Variants in NAALAD2 observed in about 807,000 individuals in gnomAD.
The protein encoded by NAALAD2 is N-acetylated alpha-linked acidic dipeptidase 2.
A neutral mutation model predicts 95.6 loss-of-function variants in NAALAD2; 89 were observed. That is an observed-to-expected ratio of 0.93 (90% confidence interval 0.78 to 1.11). The LOEUF is 1.11. NAALAD2 is among the 50% of genes least tolerant of loss of function. NAALAD2 has a pLI of 0.00. For synonymous variants in NAALAD2, 264 were observed against 294.4 expected (o/e 0.90, Z 1.06); for missense variants, 894 against 872.4 (o/e 1.02, Z -0.31).
intron 2 of NAALAD2, among the ~76,000 whole-genome samples, chr11:90,145,604 G>T (rs1951732378): frequency 6.6e-6 from 1 of 152,090 alleles, no homozygotes; most frequent in South Asian, 2.1e-4. Flanking sequence ...TCTGATACCT[G>T]CAGTTTTCAT....
intron 5 of NAALAD2, among the ~76,000 whole-genome samples, chr11:90,151,365 C>T (rs1186502565): frequency 6.6e-6 from 1 of 152,132 alleles, no homozygotes; most frequent in Non-Finnish European, 1.5e-5. Context: ...ATGATGGCAT[C>T]ATATTTCACA....
At chr11:90,158,465 T>C (rs759245657) in intron 7 of NAALAD2, 1 of 421,762 alleles carries the variant, frequency 2.4e-6, no homozygotes, top group Non-Finnish European at 4.2e-6. Context: ...AATGAAATTC[T>C]CAAATACAAA....
rs1294686007 is a variant in NAALAD2, at chr11:90,149,029, A to G, written c.405A>G (p.Glu135=). 2 of 1,605,334 alleles carry G rather than the reference A, an allele frequency of 1.2e-6. No individual in the cohort carries two copies. Among genetic ancestry groups the G allele is most frequent in the Non-Finnish European group, 1.7e-6 (2 of 1,175,960 alleles). ...AGATTTTCAAAACATCATACCTTGA[A>G]CCACCACCAGATGGCTATGAGAATG... The part of the protein sequence containing the change: ...ETEIFKTSYL[E]PPPDGYENVT... The change falls in exon 4 of 19, where the codon GAA becomes GAG. Residue 135 remains glutamate (E), a synonymous_variant. Coordinates refer to ENST00000534061, the MANE Select transcript of NAALAD2 (RefSeq NM_005467.4).
At chr11:90,140,483 C>T (rs1302596471) in intron 2 of NAALAD2, among the ~76,000 whole-genome samples, 1 of 150,340 alleles carries the variant, frequency 6.7e-6, no homozygotes, top group African/African-American at 2.5e-5. Flanking sequence ...CTATGTGGTT[C>T]ATTTATGAGT....
chr11:90,168,462 G>C lies in NAALAD2; in HGVS notation c.1279-467G>C, dbSNP rs182534726. Among the ~76,000 whole-genome samples, 27 of 152,246 alleles carry C rather than the reference G, an allele frequency of 1.8e-4. No individual in the cohort carries two copies. In the East Asian group the frequency reaches 4.8e-3, roughly 27 times the overall value. On this transcript the variant is annotated intron_variant, in intron 11 of 18. Transcript: ENST00000534061. The stretch of plus-strand genomic sequence containing the variant: ...GCCGTGGTTGCAGTGAGCTGAGATC[G>C]TGCCGCTGCATTCTAGCCTGGGCAA...
chr11:90,167,379 C>G (rs543677813), intron 11 of NAALAD2, among the ~76,000 whole-genome samples: 3 of 152,220 alleles, frequency 2.0e-5, no homozygotes, highest in Non-Finnish European at 4.4e-5. Context: ...GCTGCCTCCC[C>G]GCAGGGCAGG....
At chr11:90,178,341 G>T (rs959113413) in intron 16 of NAALAD2, among the ~76,000 whole-genome samples, 1 of 152,088 alleles carries the variant, frequency 6.6e-6, no homozygotes, top group African/African-American at 2.4e-5. Context: ...ACAAACATTG[G>T]GATGGTAAAC....
chr11:90,135,696 T>C, intron 2 of NAALAD2, 26 bp downstream of exon 2: 1 of 1,566,322 alleles, frequency 6.4e-7, no homozygotes, highest in Non-Finnish European at 8.8e-7. Context: ...GTATTTGATC[T>C]TAAAAATCAT....
At chr11:90,142,616 A>C (rs570764032) in intron 2 of NAALAD2, among the ~76,000 whole-genome samples, 1 of 152,086 alleles carries the variant, frequency 6.6e-6, no homozygotes, top group Non-Finnish European at 1.5e-5. Flanking sequence ...TCTTAATTTA[A>C]GTATGCCCTC....
At chr11:90,133,836 TTTTTG>T (rs1164920320), upstream of NAALAD2, among the ~76,000 whole-genome samples, 51 of 152,210 alleles carry the variant, frequency 3.4e-4, no homozygotes, top group Admixed American at 1.4e-3. Flanking sequence ...ACTCTTTTTT[TTTTTG>T]TTTGTTTGTT....
upstream of NAALAD2, chr11:90,131,993 A>G (rs1951359503): frequency 6.6e-6 from 1 of 152,272 alleles, no homozygotes; most frequent in African/African-American, 2.4e-5. Context: ...TGTGCTTTGC[A>G]AAGTACAAGT....
At chr11:90,167,285 G>A (rs900624364) in intron 11 of NAALAD2, among the ~76,000 whole-genome samples, 2 of 152,152 alleles carry the variant, frequency 1.3e-5, no homozygotes, top group South Asian at 2.1e-4. Flanking sequence ...CCTCGGAGGC[G>A]CCGGCCAGCC....
chr11:90,175,858 A>G (rs963959680), intron 14 of NAALAD2, 114 bp from the exon 15 acceptor site: 4 of 560,636 alleles, frequency 7.1e-6, no homozygotes, highest in Non-Finnish European at 9.4e-6. Context: ...AATGTAATAT[A>G]TAATTCCTTG....
In NAALAD2 at chr11:90,147,462, C is replaced by A. The variant is rs761742585; in HGVS notation, c.327C>A (p.Tyr109Ter). ...TTCATTATGATGTCCTCTTATCTTA[C>A]CCCAATGAGACAAATGCCAACTATA... ...KLVHYDVLLS[Y>*]PNETNANYIS... Residue 109 changes from tyrosine to a stop codon, truncating the protein, a stop_gained, in exon 3 of 19, where the codon TAC becomes TAA. Transcript: ENST00000534061. LOFTEE classifies it high-confidence loss of function. 2 of 1,613,278 alleles carry A rather than the reference C, an allele frequency of 1.2e-6. No individual in the cohort carries two copies. Among genetic ancestry groups the A allele is most frequent in the Non-Finnish European group, 1.7e-6 (2 of 1,179,548 alleles).
chr11:90,189,127 A>G (rs1442921316), intron 18 of NAALAD2, among the ~76,000 whole-genome samples: 1 of 148,228 alleles, frequency 6.7e-6, no homozygotes, highest in Non-Finnish European at 1.5e-5. Context: ...GCCATTGCGA[A>G]AAGACTCATC....
At chr11:90,176,342 C>T (rs567245597) in intron 15 of NAALAD2, among the ~76,000 whole-genome samples, 1 of 152,278 alleles carries the variant, frequency 6.6e-6, no homozygotes, top group East Asian at 1.9e-4. Flanking sequence ...ACATCCTTTT[C>T]CTGATTTGTC....
chr11:90,189,123 G>A (rs147417431), intron 18 of NAALAD2, among the ~76,000 whole-genome samples: 1 of 148,936 alleles, frequency 6.7e-6, no homozygotes, highest in African/African-American at 2.5e-5. Context: ...TGATGCCATT[G>A]CGAAAAGACT....
In NAALAD2 at chr11:90,155,405, TA is replaced by T. The variant is rs1565522722; in HGVS notation, c.797-2738del. Among the ~76,000 whole-genome samples the T allele has an allele frequency of 5.9e-5, 5 of 85,398 alleles. 1 individual carries two copies. The highest frequency in any genetic ancestry group is 6.4e-4 in the South Asian group (2 of 3,102). 56.0% of individuals were successfully genotyped at this position (85,398 alleles called of 152,430 possible). A position where few individuals can be genotyped will look rare whatever the true frequency, so the allele number is the denominator to read the frequency against. ...TTATACATGTAATATATAATATATA[TA>T]ATGTAATATTACATATTATACATGT... On this transcript the variant is annotated intron_variant, in intron 6 of 18. Coordinates refer to ENST00000534061, the MANE Select transcript of NAALAD2 (RefSeq NM_005467.4).
chr11:90,155,704 TTATTATTGTATGTATGTAA>T (rs1179312078), intron 6 of NAALAD2, among the ~76,000 whole-genome samples: 828 of 42,590 alleles, frequency 0.019, 27 homozygotes, highest in African/African-American at 0.12. Context: ...TATGTATGTA[TTATTATTGTATGTATGTAA>T]TACATACATA....
Sources: gnomAD v4.1 joint callset for allele counts (sites outside exome capture counted in the v4.1 genomes callset) on GRCh38, gnomAD v4.1.1 for gene constraint, MANE v1.5 for transcripts, NCBI Gene and HGNC (gene_info 2026-07-23, HGNC 2026-07-21) for gene names.